LARP4: variants seen among roughly 807,000 people sequenced by gnomAD.
LARP4 encodes la-related protein 4.
A neutral mutation model predicts 92.9 loss-of-function variants in LARP4; 29 were observed. That is an observed-to-expected ratio of 0.31 (90% confidence interval 0.23 to 0.43). The LOEUF is 0.43. Ranked by LOEUF, LARP4 falls within the 20% of genes least tolerant of loss-of-function variation. The pLI is 1.00. For missense variants in LARP4, 732 were observed against 860.0 expected (o/e 0.85, Z 1.86); for synonymous variants, 279 against 284.1 (o/e 0.98, Z 0.18).
chr12:50,408,560 A>G (rs1945273628), intron 1 of LARP4, among the ~76,000 whole-genome samples: 1 of 152,012 alleles, frequency 6.6e-6, no homozygotes, highest in Admixed American at 6.6e-5. Flanking sequence ...AGTCTGCAGT[A>G]ATGCAGGGTT....
At chr12:50,404,552 A>G (rs7974480) in intron 1 of LARP4, among the ~76,000 whole-genome samples, 16,605 of 151,918 alleles carry the variant, frequency 0.11, 1,817 homozygotes, top group East Asian at 0.47. Context: ...AAGACCAACT[A>G]TATTGACTTC....
At chr12:50,468,439 G>A (rs997236564) in intron 13 of LARP4, among the ~76,000 whole-genome samples, 1 of 151,340 alleles carries the variant, frequency 6.6e-6, no homozygotes, top group African/African-American at 2.4e-5. Context: ...GACTACAGGC[G>A]CCTGCCACTA....
chr12:50,434,040 A>C (rs145224516), intron 4 of LARP4, among the ~76,000 whole-genome samples: 10 of 152,316 alleles, frequency 6.6e-5, no homozygotes, highest in Non-Finnish European at 1.3e-4. Flanking sequence ...GCGATCCTTC[A>C]TGGAACCTAT....
In LARP4 at chr12:50,473,798, GGGGTGGGT is replaced by G. The variant is rs1159620831; in HGVS notation, c.1668-197_1668-190del. ...GGAAAATTGCTTGAACCGGGGGGTG[GGGGTGGGT>G]GGGGGGGTGGGGGGGGTGGGGGGTG... On this transcript the variant is annotated intron_variant, in intron 14 of 15. Coordinates refer to ENST00000398473, the MANE Select transcript of LARP4 (RefSeq NM_052879.5). Among the ~76,000 whole-genome samples, 1,209 of 133,094 alleles carry G rather than the reference GGGGTGGGT, an allele frequency of 9.1e-3. 31 individuals carry two copies. Among genetic ancestry groups the G allele is most frequent in the African/African-American group, 0.03 (1,107 of 36,372 alleles). 87.3% of individuals were successfully genotyped at this position (133,094 alleles called of 152,430 possible). A position where few individuals can be genotyped will look rare whatever the true frequency, so the allele number is the denominator to read the frequency against.
chr12:50,469,655 A>G (rs1227716889), intron 13 of LARP4, among the ~76,000 whole-genome samples: 1 of 149,676 alleles, frequency 6.7e-6, no homozygotes, highest in Non-Finnish European at 1.5e-5. Flanking sequence ...TCAAGCCTGT[A>G]ATCCCCGCAC....
chr12:50,452,824 T>C (rs540904656), intron 8 of LARP4, among the ~76,000 whole-genome samples: 28 of 151,920 alleles, frequency 1.8e-4, no homozygotes, highest in Non-Finnish European at 3.8e-4. Flanking sequence ...GTTTTTACAA[T>C]TCGTGTATTA....
intron 10 of LARP4, among the ~76,000 whole-genome samples, chr12:50,459,086 C>G (rs933723632): frequency 7.9e-5 from 12 of 152,162 alleles, no homozygotes; most frequent in Admixed American, 2.6e-4. Flanking sequence ...GCAAACTCCA[C>G]CTCCTGGGTT....
At chr12:50,407,886 T>C (rs1945133524) in intron 1 of LARP4, among the ~76,000 whole-genome samples, 1 of 152,100 alleles carries the variant, frequency 6.6e-6, no homozygotes, top group South Asian at 2.1e-4. Flanking sequence ...CACTTACTCT[T>C]TTGAAAAAAA....
chr12:50,427,671 CT>C, intron 1 of LARP4, 90 bp from the exon 2 acceptor site: 2 of 749,932 alleles, frequency 2.7e-6, no homozygotes, highest in Non-Finnish European at 2.0e-6. Context: ...TTCTCCCCCA[CT>C]TTTAAGTAAT....
Position 50,428,056 on chromosome 12 carries a change from C to T in LARP4, c.166+147C>T, listed in dbSNP as rs116151604. 7.0e-4 allele frequency: 340 copies of T among 487,660 alleles called. 1 individual carries two copies. In the African/African-American group the frequency reaches 7.1e-3, roughly 10 times the overall value. 30.2% of individuals were successfully genotyped at this position (487,660 alleles called of 1,614,324 possible). Reference sequence around the variant, plus strand: ...TGTCACCCAGGCTGGAGTACAGTGGCGCAGTCTTCACTCACTGCAACCTCC... The same window carrying T: ...TGTCACCCAGGCTGGAGTACAGTGGTGCAGTCTTCACTCACTGCAACCTCC... On this transcript the variant is annotated intron_variant, in intron 2 of 15. Transcript: ENST00000398473.
rs764813213 is a variant in LARP4, at chr12:50,452,944, C to G, written c.805-516C>G. Among the ~76,000 whole-genome samples, 133 of 152,126 alleles carry G rather than the reference C, an allele frequency of 8.7e-4. 1 individual carries two copies. Among genetic ancestry groups the G allele is most frequent in the Non-Finnish European group, 1.5e-3 (105 of 68,012 alleles). ...TGTTGTTTAGAGACAGGGTCTCGCTCTGTTGCCCAGGCTGGAGTGTGGTAG... is the reference window on the plus strand; with the variant it reads ...TGTTGTTTAGAGACAGGGTCTCGCTGTGTTGCCCAGGCTGGAGTGTGGTAG... On this transcript the variant is annotated intron_variant, in intron 8 of 15. Transcript: ENST00000398473.
In LARP4 at chr12:50,474,129, A is replaced by C; in HGVS notation, c.1798A>C (p.Asn600His). The change falls in exon 15 of 16, where the codon AAT becomes CAT. Residue 600 changes from asparagine to histidine, a missense_variant. Around this residue, in one of 7 missense-constraint regions of LARP4, gnomAD observed 97 missense variants for 85.9 expected, o/e 1.13. Transcript: ENST00000398473. ...GAGGGCAAGTACTGCTTCACCATGT[A>C]ATAATAACATAAATGCAGCTACAGC... is the stretch of plus-strand genomic sequence containing the variant. ...PSRASTASPCNNNINAATAVA... is the reference protein window; with the variant it reads ...PSRASTASPCHNNINAATAVA... The C allele has an allele frequency of 6.2e-7, 1 of 1,613,604 alleles. No individual in the cohort carries two copies. The highest frequency in any genetic ancestry group is 8.5e-7 in the Non-Finnish European group (1 of 1,179,838).
intron 12 of LARP4, among the ~76,000 whole-genome samples, chr12:50,464,808 A>G (rs1262783137): frequency 6.6e-6 from 1 of 151,802 alleles, no homozygotes; most frequent in Non-Finnish European, 1.5e-5. Context: ...CTCTTGCCTC[A>G]GTCTCCCAAG....
Position 50,475,879 on chromosome 12 carries a change from A to T in LARP4, c.*15A>T. 1 of 1,601,658 alleles carries T rather than the reference A, an allele frequency of 6.2e-7. No individual in the cohort carries two copies. The highest frequency in any genetic ancestry group is 1.3e-5 in the African/African-American group (1 of 74,576). On this transcript the variant is annotated 3_prime_UTR_variant, in exon 16 of 16. Coordinates refer to ENST00000398473, the MANE Select transcript of LARP4 (RefSeq NM_052879.5). The stretch of plus-strand genomic sequence containing the variant: ...CACCAAAGTAAAAAACAACAAAACT[A>T]TTCAAAAACTTCACTCTCTTCCCAT...
intron 10 of LARP4, among the ~76,000 whole-genome samples, chr12:50,457,968 C>A (rs1201662264): frequency 6.7e-6 from 1 of 149,678 alleles, no homozygotes; most frequent in South Asian, 2.1e-4. Context: ...GTGTTTTGCC[C>A]TGTCACCCAG....
chr12:50,442,674 C>G (rs906338308), intron 8 of LARP4, among the ~76,000 whole-genome samples: 1 of 152,190 alleles, frequency 6.6e-6, no homozygotes, highest in African/African-American at 2.4e-5. Flanking sequence ...GTTTTAAGCA[C>G]TTTACATGTA....
At chr12:50,452,476 C>A (rs985053834) in intron 8 of LARP4, among the ~76,000 whole-genome samples, 4 of 152,184 alleles carry the variant, frequency 2.6e-5, no homozygotes. Context: ...GCCACTGAGC[C>A]TGGCCTATTT....
intron 1 of LARP4, among the ~76,000 whole-genome samples, chr12:50,408,213 T>TC (rs1555224524): frequency 1.4e-4 from 21 of 147,142 alleles, no homozygotes; most frequent in Admixed American, 3.5e-4. Context: ...TTTTTTTTTT[T>TC]CCAGCTGGAG....
Position 50,437,787 on chromosome 12 carries a change from T to C in LARP4, c.588T>C (p.His196=). 6.2e-7 allele frequency: 1 copy of C among 1,612,100 alleles called. No individual in the cohort carries two copies. Among genetic ancestry groups the C allele is most frequent in the South Asian group, 1.1e-5 (1 of 90,928 alleles). The change falls in exon 6 of 16, where the codon CAT becomes CAC. Residue 196 remains histidine (H), a synonymous_variant. Transcript: ENST00000398473. ...AGGGTGAGAAAGTGAGACCAAGTCATAAGCGTTGTATTGTAATTCTTAGAG... is the reference window on the plus strand; with the variant it reads ...AGGGTGAGAAAGTGAGACCAAGTCACAAGCGTTGTATTGTAATTCTTAGAG... ...DEKGEKVRPS[H]KRCIVILREI... is the part of the protein sequence containing the mutation.
Sources: gnomAD v4.1 joint callset for allele counts (sites outside exome capture counted in the v4.1 genomes callset) on GRCh38, gnomAD v4.1.1 for gene constraint, gnomAD v4.1.1 regional missense constraint, MANE v1.5 for transcripts, NCBI Gene and HGNC (gene_info 2026-07-23, HGNC 2026-07-21) for gene names.